Variants in RNLS observed in about 807,000 individuals in gnomAD.
RNLS encodes renalase.
RNLS carries 39 observed loss-of-function variants against 39.8 expected under a neutral mutation model. The observed-to-expected ratio is 0.98, with a 90% CI of 0.76 to 1.28. RNLS has a LOEUF of 1.28. RNLS is among the 50% of genes most tolerant of loss of function. The pLI is 0.00. For missense variants in RNLS, 410 were observed against 413.3 expected, an observed-to-expected ratio of 0.99 and a Z score of 0.07; for synonymous variants, 147 against 150.7, an observed-to-expected ratio of 0.98 and a Z score of 0.18.
intron 4 of RNLS, among the ~76,000 whole-genome samples, chr10:88,465,883 G>T (rs936083270): frequency 6.6e-6 from 1 of 152,034 alleles, no homozygotes; most frequent in Non-Finnish European, 1.5e-5. Flanking sequence ...AGTCACACTT[G>T]TGTAAGGTAT....
chr10:88,204,328 C>T, the RNLS span, among the ~76,000 whole-genome samples: 1,480 of 152,268 alleles, frequency 9.7e-3, 14 homozygotes, highest in African/African-American at 0.029. Context: ...TAAAATGCCA[C>T]ACTCCAAACA....
intron 4 of RNLS, among the ~76,000 whole-genome samples, chr10:88,533,758 G>C (rs1847577416): frequency 6.6e-6 from 1 of 152,072 alleles, no homozygotes; most frequent in Non-Finnish European, 1.5e-5. Flanking sequence ...AACATGAAGA[G>C]AGAAACAGGT....
chr10:88,181,883 C>T, the RNLS span, among the ~76,000 whole-genome samples: 1 of 151,942 alleles, frequency 6.6e-6, no homozygotes, highest in African/African-American at 2.4e-5. Context: ...ATAATTGCTA[C>T]ATTTGTGGAA....
intron 6 of RNLS, among the ~76,000 whole-genome samples, chr10:88,305,642 A>G (rs1844862090): frequency 6.6e-6 from 1 of 152,222 alleles, no homozygotes; most frequent in African/African-American, 2.4e-5. Context: ...TCCTAAATAT[A>G]TATGCACCCA....
chr10:88,251,779 T>C, the RNLS span, among the ~76,000 whole-genome samples: 2 of 152,266 alleles, frequency 1.3e-5, no homozygotes, highest in South Asian at 2.1e-4. Context: ...AAGATGTTCA[T>C]GGAACTGAAA....
chr10:88,349,025 CTG>C (rs780256040), intron 5 of RNLS, among the ~76,000 whole-genome samples: 2 of 152,212 alleles, frequency 1.3e-5, no homozygotes, highest in East Asian at 3.9e-4. Context: ...CTTCATGAAA[CTG>C]TGTTTCATGA....
chr10:88,420,188 C>T (rs901554225), intron 4 of RNLS, among the ~76,000 whole-genome samples: 21 of 151,860 alleles, frequency 1.4e-4, no homozygotes, highest in East Asian at 1.9e-4. Flanking sequence ...ATATAATAGG[C>T]GTGCAATTTA....
Position 88,339,547 on chromosome 10 carries a change from A to C in RNLS, c.700+23005T>G, listed in dbSNP as rs148913141. 3.8e-3 allele frequency among the ~76,000 whole-genome samples: 584 copies of C among 152,308 alleles called. 9 individuals carry two copies. Among genetic ancestry groups the C allele is most frequent in the Admixed American group, 0.019 (291 of 15,298 alleles). On this transcript the variant is annotated intron_variant, in intron 5 of 6. Coordinates refer to ENST00000331772, the MANE Select transcript of RNLS (RefSeq NM_001031709.3). Reference sequence around the variant, plus strand: ...TAGTTTTCTCAACTATAAAATAGGGATAATAATATTTACCTCATAGGGTTG... The same window carrying C: ...TAGTTTTCTCAACTATAAAATAGGGCTAATAATATTTACCTCATAGGGTTG...
intron 4 of RNLS, among the ~76,000 whole-genome samples, chr10:88,545,199 A>G (rs1391164594): frequency 6.6e-6 from 1 of 152,158 alleles, no homozygotes; most frequent in Non-Finnish European, 1.5e-5. Flanking sequence ...GTAGTAAACT[A>G]CTAAGATTTT....
At chr10:88,190,266 C>T in the RNLS span, among the ~76,000 whole-genome samples, 1 of 152,358 alleles carries the variant, frequency 6.6e-6, no homozygotes. Context: ...CAGACCTGGA[C>T]TTCTCATTCA....
At chr10:88,265,333 T>C in the RNLS span, among the ~76,000 whole-genome samples, 11 of 147,216 alleles carry the variant, frequency 7.5e-5, no homozygotes, top group African/African-American at 1.2e-4. Context: ...CTTTTTTTTT[T>C]TTTTTTTTTT....
chr10:88,571,171 G>T (rs1284419584), intron 4 of RNLS, among the ~76,000 whole-genome samples: 1 of 151,448 alleles, frequency 6.6e-6, no homozygotes, highest in Non-Finnish European at 1.5e-5. Flanking sequence ...TTGTAGAGAT[G>T]AGGTCTTGCT....
the RNLS span, among the ~76,000 whole-genome samples, chr10:88,203,789 A>T: frequency 6.6e-6 from 1 of 151,450 alleles, no homozygotes; most frequent in African/African-American, 2.4e-5. Context: ...TATTATAATT[A>T]TATTAACTGT....
At chr10:88,314,253 A>ACTTCTTG (rs1845589041) in intron 6 of RNLS, among the ~76,000 whole-genome samples, 2 of 152,174 alleles carry the variant, frequency 1.3e-5, no homozygotes, top group Non-Finnish European at 2.9e-5. Context: ...TGAAGACAAC[A>ACTTCTTG]TTGGTGGAAA....
chr10:88,357,532 G>T (rs1849284031), intron 5 of RNLS, among the ~76,000 whole-genome samples: 1 of 152,166 alleles, frequency 6.6e-6, no homozygotes, highest in Non-Finnish European at 1.5e-5. Flanking sequence ...TCTCACTTGT[G>T]TTGAAACCTA....
chr10:88,549,687 ATTACAGCC>A (rs1848517758), intron 4 of RNLS, among the ~76,000 whole-genome samples: 1 of 152,238 alleles, frequency 6.6e-6, no homozygotes, highest in Admixed American at 6.5e-5. Context: ...TAAAGCCAGT[ATTACAGCC>A]GACTGATCAG....
chr10:88,519,574 C>T (rs1441209864), intron 4 of RNLS, among the ~76,000 whole-genome samples: 11 of 151,096 alleles, frequency 7.3e-5, no homozygotes, highest in African/African-American at 2.7e-4. Context: ...TGTGCTGCTT[C>T]CTGACCCTAC....
chr10:88,387,326 G>T (rs1207039530), intron 4 of RNLS, among the ~76,000 whole-genome samples: 1 of 152,114 alleles, frequency 6.6e-6, no homozygotes, highest in East Asian at 1.9e-4. Flanking sequence ...TAGCAACACT[G>T]AAAAGAGACC....
chr10:88,565,855 T>C (rs1437969563), intron 4 of RNLS, among the ~76,000 whole-genome samples: 1 of 151,016 alleles, frequency 6.6e-6, no homozygotes, highest in Non-Finnish European at 1.5e-5. Context: ...GTTCAAGCGA[T>C]TCTCCTGCCT....
Sources: gnomAD v4.1 joint callset for allele counts (sites outside exome capture counted in the v4.1 genomes callset) on GRCh38, gnomAD v4.1.1 for gene constraint, MANE v1.5 for transcripts, NCBI Gene and HGNC (gene_info 2026-07-23, HGNC 2026-07-21) for gene names.